Variants in RASGEF1A observed in about 807,000 individuals in gnomAD.
RASGEF1A encodes RasGEF domain family member 1A.
A neutral mutation model predicts 56.4 loss-of-function variants in RASGEF1A; 18 were observed. The observed-to-expected ratio is 0.32, with a 90% CI of 0.22 to 0.47. The LOEUF is 0.47. RASGEF1A is among the 20% of genes least tolerant of loss of function. The pLI is 1.00. For missense variants in RASGEF1A, 422 were observed against 627.1 expected (o/e 0.67, Z 3.49); for synonymous variants, 245 against 242.6 (o/e 1.01, Z -0.09).
At chr10:43,227,982 G>A (rs1191284755) in intron 1 of RASGEF1A, among the ~76,000 whole-genome samples, 1 of 151,998 alleles carries the variant, frequency 6.6e-6, no homozygotes, top group African/African-American at 2.4e-5. Context: ...CCGGACCACT[G>A]GGGTGGCACT....
At chr10:43,266,686 C>A (rs1168261557) in intron 1 of RASGEF1A, among the ~76,000 whole-genome samples, 159 bp downstream of exon 1, 1 of 146,352 alleles carries the variant, frequency 6.8e-6, no homozygotes, top group East Asian at 2.0e-4. Context: ...GCGTCCCCCG[C>A]CCCGCGCCCG....
At position 43,244,717 on chromosome 10, in the gene RASGEF1A, A is replaced by T. The variant is rs747254207; in HGVS notation, c.-7+22128T>A. Reference sequence around the variant, plus strand: ...ATAACCAATGGAAAAAGAAGAAACCACAAGGGAATTCTCAAATTTACTTAA... The same window carrying T: ...ATAACCAATGGAAAAAGAAGAAACCTCAAGGGAATTCTCAAATTTACTTAA... On this transcript the variant is annotated intron_variant, in intron 1 of 12. Coordinates refer to ENST00000395810, the MANE Select transcript of RASGEF1A (RefSeq NM_145313.4). 1.4e-4 allele frequency among the ~76,000 whole-genome samples: 22 copies of T among 152,222 alleles called. 1 individual carries two copies. The highest frequency in any genetic ancestry group is 6.5e-5 in the Admixed American group (1 of 15,286).
chr10:43,221,083 G>A (rs1055621224), intron 1 of RASGEF1A, among the ~76,000 whole-genome samples: 3 of 152,132 alleles, frequency 2.0e-5, no homozygotes, highest in Admixed American at 1.3e-4. Flanking sequence ...GCCACCAGAC[G>A]CCCTGCTGGG....
At chr10:43,229,241 G>A (rs2133208791) in intron 1 of RASGEF1A, among the ~76,000 whole-genome samples, 2 of 152,178 alleles carry the variant, frequency 1.3e-5, no homozygotes, top group East Asian at 3.9e-4. Flanking sequence ...CCGCGCTTCC[G>A]CAGCCCTCCC....
intron 1 of RASGEF1A, among the ~76,000 whole-genome samples, chr10:43,218,429 C>T (rs1189325680): frequency 1.3e-5 from 2 of 152,178 alleles, no homozygotes; most frequent in Non-Finnish European, 1.5e-5. Flanking sequence ...GGATGGGGGG[C>T]GTTGGGGGTG....
At chr10:43,216,339 C>G (rs1405633362) in intron 1 of RASGEF1A, among the ~76,000 whole-genome samples, 1 of 152,196 alleles carries the variant, frequency 6.6e-6, no homozygotes, top group Non-Finnish European at 1.5e-5. Flanking sequence ...GGGAATGAGG[C>G]TCCCCTCCCC....
At chr10:43,256,964 C>T (rs568738700) in intron 1 of RASGEF1A, among the ~76,000 whole-genome samples, 3 of 152,204 alleles carry the variant, frequency 2.0e-5, no homozygotes, top group Non-Finnish European at 2.9e-5. Flanking sequence ...ACCTCTCCCT[C>T]CTTCCAGAAT....
At chr10:43,232,688 T>C (rs1039355017) in intron 1 of RASGEF1A, among the ~76,000 whole-genome samples, 72 of 152,274 alleles carry the variant, frequency 4.7e-4, no homozygotes, top group African/African-American at 1.6e-3. Context: ...GGTTTCACCG[T>C]GTTGGCCAGG....
In RASGEF1A at chr10:43,196,608, G is replaced by A. The variant is rs1425622977; in HGVS notation, c.1349-60C>T. 22 of 1,497,108 alleles carry A rather than the reference G, an allele frequency of 1.5e-5. No homozygotes were observed. The highest frequency in any genetic ancestry group is 1.9e-5 in the Non-Finnish European group (21 of 1,081,152). The allele number at this position is 1,497,108 out of a possible 1,614,324, so 92.7% of individuals were successfully genotyped here. ...CCCATGCAGTGTCTGCCTGAACCCA[G>A]CTGTCCCTTCAGGAGTACAGCCCAG... On this transcript the variant is annotated intron_variant, in intron 11 of 12. Transcript: ENST00000395810. This position sits in a 1 kb window ranked among gnomAD's most constrained non-coding sequence, Gnocchi z 4.6.
intron 1 of RASGEF1A, among the ~76,000 whole-genome samples, chr10:43,230,809 T>C (rs1840356433): frequency 6.6e-6 from 1 of 152,174 alleles, no homozygotes; most frequent in Admixed American, 6.5e-5. Flanking sequence ...CTTGTTTGCC[T>C]GCTCACTTAC....
chr10:43,207,653 C>T (rs966823735), intron 1 of RASGEF1A: 3 of 985,456 alleles, frequency 3.0e-6, no homozygotes, highest in Admixed American at 6.1e-5. Context: ...ACAGGGAGGT[C>T]ATGGCTCAGA....
rs375092291 is a variant in RASGEF1A at position 43,206,611 on chromosome 10, C to T, written c.-6-489G>A. ...GGAGGACAGTCTGAGGACTCAGGGC[C>T]GGACACACAGGCTGCATGTGCTGCT... On this transcript the variant is annotated intron_variant, in intron 1 of 12. Transcript: ENST00000395810. 30 of 991,812 alleles carry T rather than the reference C, an allele frequency of 3.0e-5. No homozygotes were observed. In the South Asian group the frequency reaches 6.9e-4, roughly 23 times the overall value. 61.4% of individuals were successfully genotyped at this position (991,812 alleles called of 1,614,324 possible).
At chr10:43,264,447 C>T (rs1326602287) in intron 1 of RASGEF1A, among the ~76,000 whole-genome samples, 1 of 151,488 alleles carries the variant, frequency 6.6e-6, no homozygotes, top group African/African-American at 2.4e-5. Context: ...CCCACCAGTG[C>T]CACTTCAGTC....
intron 1 of RASGEF1A, among the ~76,000 whole-genome samples, chr10:43,254,975 G>T (rs1198406516): frequency 6.6e-6 from 1 of 152,058 alleles, no homozygotes; most frequent in African/African-American, 2.4e-5. Flanking sequence ...ACTCGGCTGG[G>T]AACACTGGGG....
At chr10:43,258,084 C>T (rs7090455) in intron 1 of RASGEF1A, among the ~76,000 whole-genome samples, 21,533 of 152,286 alleles carry the variant, frequency 0.14, 2,358 homozygotes, top group East Asian at 0.53. Context: ...GGATCTCAGG[C>T]GAAAGCTGCC....
intron 1 of RASGEF1A, among the ~76,000 whole-genome samples, chr10:43,260,811 T>G (rs1836515339): frequency 6.6e-6 from 1 of 152,268 alleles, no homozygotes; most frequent in Non-Finnish European, 1.5e-5. Context: ...TTTTATCATT[T>G]AACCCCAAAC....
chr10:43,205,946 A>G lies in RASGEF1A; in HGVS notation c.171T>C (p.Leu57=). Residue 57 remains leucine, a synonymous_variant, in exon 2 of 13, where the codon CTT becomes CTC. Transcript: ENST00000395810. ...CGGGGTAATAGTCCACCGTGGGAAC[A>G]AGGTGCTCCATCAGGGCCTCCAGGG... The part of the protein sequence containing the change: ...SGSLEALMEH[L]VPTVDYYPDR... The G allele has an allele frequency of 6.2e-7, 1 of 1,613,364 alleles. No homozygotes were observed. The highest frequency in any genetic ancestry group is 8.5e-7 in the Non-Finnish European group (1 of 1,179,950).
chr10:43,231,596 G>A (rs931177500), intron 1 of RASGEF1A, among the ~76,000 whole-genome samples: 1 of 152,276 alleles, frequency 6.6e-6, no homozygotes, highest in African/African-American at 2.4e-5. Flanking sequence ...TGTCACCCAA[G>A]GACCTTGATA....
At chr10:43,254,251 T>C (rs79275037) in intron 1 of RASGEF1A, among the ~76,000 whole-genome samples, 2,558 of 152,292 alleles carry the variant, frequency 0.017, 72 homozygotes, top group African/African-American at 0.057. Flanking sequence ...GGAACTGCAA[T>C]GTGCCAGTGG....
Sources: allele counts gnomAD v4.1 joint callset (sites outside exome capture counted in the v4.1 genomes callset), GRCh38; gene constraint gnomAD v4.1.1; non-coding constraint Gnocchi (gnomAD v3.1); transcripts MANE v1.5; gene names NCBI Gene and HGNC (gene_info 2026-07-23, HGNC 2026-07-21).